Variants in C19orf67 observed in about 807,000 individuals in gnomAD.
C19orf67 encodes the protein UPF0575 protein C19orf67.
A neutral mutation model predicts 41.4 loss-of-function variants in C19orf67; 28 were observed. That is an observed-to-expected ratio of 0.68 (90% confidence interval 0.50 to 0.93). The LOEUF is 0.93. Among genes scored for constraint, C19orf67 ranks in the 40% least tolerant of loss-of-function variants. The probability of loss-of-function intolerance (pLI) is 0.00; values close to 1 mark genes in which losing one functional copy is unlikely to be tolerated. For missense variants in C19orf67, 421 were observed against 467.0 expected (o/e 0.90, Z 0.91); for synonymous variants, 242 against 203.4 (o/e 1.19, Z -1.62).
chr19:14,082,658 T>C, intron 4 of C19orf67, 55 bp from the exon 5 acceptor site: 2 of 1,494,524 alleles, frequency 1.3e-6, no homozygotes, highest in African/African-American at 2.8e-5. Flanking sequence ...CTACTTCTGT[T>C]GAGGGCTTTA....
chr19:14,083,814 C>T lies in C19orf67; in HGVS notation c.399G>A (p.Glu133=), dbSNP rs1346476353. ...KAMPTFLQMC[E]PYFLYLEAAA... is the part of the protein sequence containing the mutation. Reference sequence around the variant, plus strand: ...CTGCCTCCAGGTACAGGAAGTAGGGCTCACACATCTGTAAGAAGGTGGGCA... The same window carrying T: ...CTGCCTCCAGGTACAGGAAGTAGGGTTCACACATCTGTAAGAAGGTGGGCA... The change falls in exon 2 of 6, where the codon GAG becomes GAA. Residue 133 remains glutamate (E), a synonymous_variant. Coordinates refer to ENST00000548523, the MANE Select transcript of C19orf67 (RefSeq NM_001277378.2). 3 of 1,415,124 alleles carry T rather than the reference C, an allele frequency of 2.1e-6. No homozygotes were observed. The highest frequency in any genetic ancestry group is 2.8e-6 in the Non-Finnish European group (3 of 1,085,814). The allele number at this position is 1,415,124 out of a possible 1,614,324, so 87.7% of individuals were successfully genotyped here.
chr19:14,082,040 T>C, intron 5 of C19orf67, 32 bp from the exon 6 acceptor site: 35 of 1,442,988 alleles, frequency 2.4e-5, no homozygotes, highest in Non-Finnish European at 3.1e-5. Flanking sequence ...TAGACAGGCC[T>C]GGACTTGAGT....
At position 14,083,564 on chromosome 19, in the gene C19orf67, C is replaced by T. The variant is rs1465525797; in HGVS notation, c.522G>A (p.Gln174=). 1 of 1,536,112 alleles carries T rather than the reference C, an allele frequency of 6.5e-7. No homozygotes were observed. The highest frequency in any genetic ancestry group is 1.4e-5 in the African/African-American group (1 of 73,160). Residue 174 remains glutamine, a synonymous_variant, in exon 3 of 6, where the codon CAG becomes CAA. Transcript: ENST00000548523. ...CAAAGGAAGCGTACATGAGGACCAG[C>T]TGTTCCAGGCGCAGGGTCAGCTGTT... ...ISQQLTLRLE[Q]LVLMYASFGF...
At chr19:14,085,148 G>A (rs1260090953) in intron 1 of C19orf67, 145 bp downstream of exon 1, 1 of 655,330 alleles carries the variant, frequency 1.5e-6, no homozygotes, top group East Asian at 2.7e-5. Flanking sequence ...CTCTTAAACT[G>A]GATTCTAATA....
Position 14,085,647 on chromosome 19 carries a change from A to C in C19orf67, c.-20T>G. 1 of 1,497,014 alleles carries C rather than the reference A, an allele frequency of 6.7e-7. No homozygotes were observed. Among genetic ancestry groups the C allele is most frequent in the Non-Finnish European group, 9.0e-7 (1 of 1,113,608 alleles). 92.7% of individuals were successfully genotyped at this position (1,497,014 alleles called of 1,614,324 possible). On this transcript the variant is annotated 5_prime_UTR_variant, in exon 1 of 6. Transcript: ENST00000548523. ...AGCCATGGTAGGGCCGGGGGGCGGG[A>C]ACCTGAGCTCTTTAAGCTTCCGCTG...
At position 14,085,555 on chromosome 19, in the gene C19orf67, C is replaced by T. The variant is rs1976844208; in HGVS notation, c.73G>A (p.Glu25Lys). The change falls in exon 1 of 6, where the codon GAA becomes AAA. Residue 25 changes from glutamate to lysine, a missense_variant. Glu to Lys is a moderately conservative substitution (Grantham distance 56, BLOSUM62 1). Coordinates refer to ENST00000548523, the MANE Select transcript of C19orf67 (RefSeq NM_001277378.2). ...PGETPPPDAL[E>K]PGTPPCGDPS... ...TCTCCGCAGGGCGGCGTCCCAGGTT[C>T]CAAGGCGTCTGGAGGCGGTGTTTCT... The T allele has an allele frequency of 1.3e-6, 2 of 1,535,208 alleles. No homozygotes were observed. The highest frequency in any genetic ancestry group is 1.7e-6 in the Non-Finnish European group (2 of 1,146,640).
chr19:14,083,138 G>T, intron 4 of C19orf67, 99 bp downstream of exon 4: 1 of 1,089,850 alleles, frequency 9.2e-7, no homozygotes, highest in Non-Finnish European at 1.3e-6. Flanking sequence ...ACTGCCTCGG[G>T]CCCTGGCTCA....
In C19orf67 at chr19:14,083,376, C is replaced by T. The variant is rs1976799902; in HGVS notation, c.628G>A (p.Glu210Lys). 6.5e-7 allele frequency: 1 copy of T among 1,535,254 alleles called. No individual in the cohort carries two copies. Among genetic ancestry groups the T allele is most frequent in the Non-Finnish European group, 8.7e-7 (1 of 1,146,386 alleles). ...GCACAGTATCTGAAGATGGAGACCT[C>T]ATGGGACAGGCTGATGGAGAACCTC... ...CGRFSISLSH[E>K]VSIFRYCAPT... is the part of the protein sequence containing the mutation. The change falls in exon 4 of 6, where the codon GAG becomes AAG. Residue 210 changes from glutamate to lysine, a missense_variant. Physicochemically the swap from Glu to Lys is moderately conservative, Grantham distance 56. Transcript: ENST00000548523.
Position 14,081,782 on chromosome 19 carries a change from T to C in C19orf67, c.*52A>G. On this transcript the variant is annotated 3_prime_UTR_variant, in exon 6 of 6. Coordinates refer to ENST00000548523, the MANE Select transcript of C19orf67 (RefSeq NM_001277378.2). ...ACGAGTGAGCCCCTCCCCTGCCCCC[T>C]ATTCTGGAGTTTGGAACTGTCAAGT... 7.7e-7 allele frequency: 1 copy of C among 1,303,886 alleles called. No homozygotes were observed. Among genetic ancestry groups the C allele is most frequent in the Middle Eastern group, 1.9e-4 (1 of 5,152 alleles). The allele number at this position is 1,303,886 out of a possible 1,614,324, so 80.8% of individuals were successfully genotyped here. A position where few individuals can be genotyped will look rare whatever the true frequency, so the allele number is the denominator to read the frequency against.
rs1334428683 is a variant in C19orf67 at position 14,085,563 on chromosome 19, T to C, written c.65A>G (p.Asp22Gly). 9.8e-6 allele frequency: 15 copies of C among 1,535,126 alleles called. No individual in the cohort carries two copies. The East Asian group carries it at 2.9e-4, about 30-fold the overall frequency. Residue 22 changes from aspartate to glycine, a missense_variant, in exon 1 of 6, where the codon GAC becomes GGC. Physicochemically the swap from Asp to Gly is moderately conservative, Grantham distance 94. Transcript: ENST00000548523. Reference sequence around the variant, plus strand: ...GGGCGGCGTCCCAGGTTCCAAGGCGTCTGGAGGCGGTGTTTCTCCAGGGTC... The same window carrying C: ...GGGCGGCGTCCCAGGTTCCAAGGCGCCTGGAGGCGGTGTTTCTCCAGGGTC... ...PLDPGETPPP[D>G]ALEPGTPPCG...
Position 14,082,017 on chromosome 19 carries a change from G to T in C19orf67, c.903-9C>A. 2 of 1,490,686 alleles carry T rather than the reference G, an allele frequency of 1.3e-6. No homozygotes were observed. Among genetic ancestry groups the T allele is most frequent in the South Asian group, 1.3e-5 (1 of 79,324 alleles). The allele number at this position is 1,490,686 out of a possible 1,614,324, so 92.3% of individuals were successfully genotyped here. On this transcript the variant is annotated splice_polypyrimidine_tract_variant and intron_variant, in intron 5 of 5. Transcript: ENST00000548523. ...GCTGCGGGCACAAAATCCTGGGGTG[G>T]GGGGGCCAGGGATAGACAGGCCTGG...
At chr19:14,084,705 G>T (rs1976827043) in intron 1 of C19orf67, among the ~76,000 whole-genome samples, 1 of 151,766 alleles carries the variant, frequency 6.6e-6, no homozygotes, top group African/African-American at 2.4e-5. Context: ...ACACATGTTG[G>T]TGGGCGCCTG....
rs541412483 is a variant in C19orf67, at chr19:14,081,805, A to G, written c.*29T>C. On this transcript the variant is annotated 3_prime_UTR_variant, in exon 6 of 6. Transcript: ENST00000548523. ...CCTATTCTGGAGTTTGGAACTGTCAAGTTCCAGCTCCTACCCTCTTCCCCA... is the reference window on the plus strand; with the variant it reads ...CCTATTCTGGAGTTTGGAACTGTCAGGTTCCAGCTCCTACCCTCTTCCCCA... 3.4e-6 allele frequency: 5 copies of G among 1,472,798 alleles called. No homozygotes were observed. The Admixed American group carries it at 1.3e-4, about 37-fold the overall frequency. The allele number at this position is 1,472,798 out of a possible 1,614,324, so 91.2% of individuals were successfully genotyped here. A position where few individuals can be genotyped will look rare whatever the true frequency, so the allele number is the denominator to read the frequency against.
rs963763818 is a variant in C19orf67 at position 14,083,395 on chromosome 19, G to A, written c.609C>T (p.Phe203=). 16 of 1,531,942 alleles carry A rather than the reference G, an allele frequency of 1.0e-5. No individual in the cohort carries two copies. The African/African-American group carries it at 1.1e-4, about 11-fold the overall frequency. The allele number at this position is 1,531,942 out of a possible 1,614,324, so 94.9% of individuals were successfully genotyped here. ...LSISCFFCGR[F]SISLSHEVSI... Reference sequence around the variant, plus strand: ...AGACCTCATGGGACAGGCTGATGGAGAACCTCCCGCAAAAGAAACAGGAGA... The same window carrying A: ...AGACCTCATGGGACAGGCTGATGGAAAACCTCCCGCAAAAGAAACAGGAGA... The change falls in exon 4 of 6, where the codon TTC becomes TTT. Residue 203 remains phenylalanine, a synonymous_variant. Transcript: ENST00000548523.
In C19orf67 at chr19:14,082,575, C is replaced by T. The variant is rs1414694786; in HGVS notation, c.796G>A (p.Glu266Lys). 2.0e-6 allele frequency: 3 copies of T among 1,536,332 alleles called. No individual in the cohort carries two copies. Among genetic ancestry groups the T allele is most frequent in the Non-Finnish European group, 2.6e-6 (3 of 1,146,900 alleles). ...TTGGCTGGACTCTGGCCTGTGTCTT[C>T]CCAAGTATCTCGATAGCACAGAAAG... ...YYFLCYRDTW[E>K]DTGQSPANSC... is the part of the protein sequence containing the mutation. The change falls in exon 5 of 6, where the codon GAA becomes AAA. Residue 266 changes from glutamate to lysine, a missense_variant. Coordinates refer to ENST00000548523, the MANE Select transcript of C19orf67 (RefSeq NM_001277378.2).
At chr19:14,084,938 T>G (rs1976829886) in intron 1 of C19orf67, among the ~76,000 whole-genome samples, 1 of 152,180 alleles carries the variant, frequency 6.6e-6, no homozygotes, top group Non-Finnish European at 1.5e-5. Flanking sequence ...AATCACATTA[T>G]CCTTTGGAGT....
chr19:14,085,505 G>A lies in C19orf67; in HGVS notation c.123C>T (p.Gly41=). Residue 41 remains glycine (G), a synonymous_variant, in exon 1 of 6, where the codon GGC becomes GGT. Transcript: ENST00000548523. Reference sequence around the variant, plus strand: ...CCGGCTCAGATGGGTTCCCAGGCCTGCCAGGGGGCGTCGACCTGGAGGGGT... The same window carrying A: ...CCGGCTCAGATGGGTTCCCAGGCCTACCAGGGGGCGTCGACCTGGAGGGGT... ...CGDPSRSTPP[G]RPGNPSEPDP... 2.0e-6 allele frequency: 3 copies of A among 1,535,406 alleles called. No homozygotes were observed. The highest frequency in any genetic ancestry group is 1.7e-6 in the Non-Finnish European group (2 of 1,146,736).
chr19:14,085,762 C>G lies in C19orf67; in HGVS notation c.-135G>C. The G allele has an allele frequency of 6.1e-6, 4 of 653,796 alleles. No individual in the cohort carries two copies. Among genetic ancestry groups the G allele is most frequent in the Non-Finnish European group, 1.0e-5 (4 of 384,534 alleles). 40.5% of individuals were successfully genotyped at this position (653,796 alleles called of 1,614,324 possible). ...TCTCCACCGGAGCCGCGCCGCCGCG[C>G]CGGGGGCCGTTCGCCTCTTTTGAAT... On this transcript the variant is annotated 5_prime_UTR_variant, in exon 1 of 6. Coordinates refer to ENST00000548523, the MANE Select transcript of C19orf67 (RefSeq NM_001277378.2).
intron 2 of C19orf67, 30 bp from the exon 3 acceptor site, chr19:14,083,635 C>G (rs965080173): frequency 6.5e-7 from 1 of 1,533,518 alleles, no homozygotes; most frequent in Non-Finnish European, 8.7e-7. Flanking sequence ...ACAGTGAGAT[C>G]AGCTGGCCTG....
Sources: gnomAD v4.1 joint callset for allele counts (sites outside exome capture counted in the v4.1 genomes callset) on GRCh38, gnomAD v4.1.1 for gene constraint, MANE v1.5 for transcripts, NCBI Gene and HGNC (gene_info 2026-07-23, HGNC 2026-07-21) for gene names.